The following SPAG16 variants were observed in gnomAD, a reference collection of about 807,000 sequenced individuals.
The protein encoded by SPAG16 is sperm-associated antigen 16 protein.
A neutral mutation model predicts 80.4 loss-of-function variants in SPAG16; 86 were observed. That is an observed-to-expected ratio of 1.07 (90% confidence interval 0.90 to 1.28). SPAG16 has a LOEUF of 1.28. Ranked by LOEUF, SPAG16 falls within the 50% of genes most tolerant of loss-of-function variation. The probability of loss-of-function intolerance (pLI) is 0.00; values close to 1 mark genes in which losing one functional copy is unlikely to be tolerated. For synonymous variants in SPAG16, 294 were observed against 265.9 expected (o/e 1.11, Z -1.03); for missense variants, 870 against 765.3 (o/e 1.14, Z -1.61).
At chr2:213,526,351 C>T (rs2075886017) in intron 10 of SPAG16, among the ~76,000 whole-genome samples, 1 of 151,898 alleles carries the variant, frequency 6.6e-6, no homozygotes, top group African/African-American at 2.4e-5. Flanking sequence ...AACCTTTTTT[C>T]CTGGGGTTAT....
rs997401962 is a variant in SPAG16, at chr2:213,509,247, C to T, written c.1070+19157C>T. Among the ~76,000 whole-genome samples the T allele has an allele frequency of 5.3e-5, 8 of 152,146 alleles. No homozygotes were observed. The South Asian group carries it at 1.0e-3, about 20-fold the overall frequency. On this transcript the variant is annotated intron_variant, in intron 10 of 15. Coordinates refer to ENST00000331683, the MANE Select transcript of SPAG16 (RefSeq NM_024532.5). ...TCCTGATCTCGTGATCCACCCGCCT[C>T]GGCCTCCAAAAGTGCTGGGATTTCT...
intron 14 of SPAG16, among the ~76,000 whole-genome samples, chr2:214,113,016 G>A (rs563239448): frequency 1.3e-5 from 2 of 152,162 alleles, no homozygotes; most frequent in East Asian, 3.9e-4. Context: ...AGGCAGGCCC[G>A]GGTGGTGACA....
intron 5 of SPAG16, among the ~76,000 whole-genome samples, chr2:213,337,544 T>C (rs2064432893): frequency 6.6e-6 from 1 of 152,094 alleles, no homozygotes; most frequent in Non-Finnish European, 1.5e-5. Flanking sequence ...CTGATCAAGC[T>C]GAGAAACACA....
chr2:213,753,161 C>T (rs979512580), intron 10 of SPAG16, among the ~76,000 whole-genome samples: 1 of 152,056 alleles, frequency 6.6e-6, no homozygotes, highest in Non-Finnish European at 1.5e-5. Flanking sequence ...TACAGGTGCC[C>T]GTCACCACGC....
intron 10 of SPAG16, among the ~76,000 whole-genome samples, chr2:213,804,756 A>G (rs998991699): frequency 1.3e-5 from 2 of 152,212 alleles, no homozygotes; most frequent in African/African-American, 4.8e-5. Context: ...GAAGCACAGA[A>G]GCATAAGCCC....
At chr2:214,319,166 C>A (rs1233535525) in intron 15 of SPAG16, among the ~76,000 whole-genome samples, 1 of 119,280 alleles carries the variant, frequency 8.4e-6, no homozygotes, top group African/African-American at 2.9e-5. Flanking sequence ...ATTCTTTATT[C>A]TTTCCTTTCC....
chr2:213,613,794 T>C (rs1412641935), intron 10 of SPAG16, among the ~76,000 whole-genome samples: 2 of 152,238 alleles, frequency 1.3e-5, no homozygotes, highest in Non-Finnish European at 2.9e-5. Flanking sequence ...TGCTAAGCAG[T>C]ATCTTGTGAA....
chr2:214,149,083 A>ATATG, intron 14 of SPAG16, 57 bp from the exon 15 acceptor site: 11 of 489,514 alleles, frequency 2.2e-5, no homozygotes, highest in Non-Finnish European at 3.1e-5. Flanking sequence ...GTGTGTATAT[A>ATATG]TATATATATA....
intron 13 of SPAG16, among the ~76,000 whole-genome samples, chr2:214,057,044 T>C (rs886447026): frequency 1.3e-5 from 2 of 152,300 alleles, no homozygotes; most frequent in East Asian, 3.9e-4. Flanking sequence ...AGTTAATTCC[T>C]CCACTGGAGT....
At chr2:213,818,268 T>A (rs2072689726) in intron 10 of SPAG16, among the ~76,000 whole-genome samples, 1 of 152,288 alleles carries the variant, frequency 6.6e-6, no homozygotes, top group African/African-American at 2.4e-5. Flanking sequence ...TGGTAGAGTT[T>A]ATCTCATAAT....
intron 11 of SPAG16, among the ~76,000 whole-genome samples, chr2:213,893,408 C>G (rs1012833454): frequency 6.6e-6 from 1 of 152,110 alleles, no homozygotes; most frequent in Non-Finnish European, 1.5e-5. Flanking sequence ...AGTGCATGGC[C>G]AAACCCAGAA....
chr2:214,385,870 A>C (rs1295272722), intron 15 of SPAG16, among the ~76,000 whole-genome samples: 5 of 151,912 alleles, frequency 3.3e-5, no homozygotes, highest in Admixed American at 3.3e-4. Flanking sequence ...ACAACAACAA[A>C]AAAACTCTAA....
chr2:214,107,749 G>A (rs940380834), intron 13 of SPAG16, among the ~76,000 whole-genome samples: 13 of 152,098 alleles, frequency 8.5e-5, no homozygotes, highest in African/African-American at 2.9e-4. Flanking sequence ...GCTGAACTGT[G>A]AAAATTCAGG....
chr2:214,205,300 T>C (rs2058111988), intron 15 of SPAG16, among the ~76,000 whole-genome samples: 1 of 152,060 alleles, frequency 6.6e-6, no homozygotes, highest in Non-Finnish European at 1.5e-5. Flanking sequence ...TGAAATAGCA[T>C]AAATAAAAAA....
intron 15 of SPAG16, among the ~76,000 whole-genome samples, chr2:214,387,142 C>T (rs957837367): frequency 6.6e-6 from 1 of 152,144 alleles, no homozygotes; most frequent in African/African-American, 2.4e-5. Context: ...GTCATCTCCT[C>T]TGTGAAGTAA....
At chr2:214,371,951 G>A (rs911369784) in intron 15 of SPAG16, among the ~76,000 whole-genome samples, 4 of 152,010 alleles carry the variant, frequency 2.6e-5, no homozygotes, top group Non-Finnish European at 5.9e-5. Context: ...AAAGTGCTGG[G>A]ATTACAGGCA....
At chr2:214,199,714 G>C (rs762548458) in intron 15 of SPAG16, among the ~76,000 whole-genome samples, 2 of 152,032 alleles carry the variant, frequency 1.3e-5, no homozygotes, top group African/African-American at 4.8e-5. Context: ...TCACAATATT[G>C]TATCTTCCCA....
intron 13 of SPAG16, among the ~76,000 whole-genome samples, chr2:214,032,869 G>C (rs2048486320): frequency 6.6e-6 from 1 of 152,028 alleles, no homozygotes; most frequent in Admixed American, 6.6e-5. Context: ...CCCTCTTATG[G>C]CATAATCTAA....
chr2:213,388,660 A>C (rs1223065546), intron 9 of SPAG16, among the ~76,000 whole-genome samples: 1 of 152,236 alleles, frequency 6.6e-6, no homozygotes, highest in Non-Finnish European at 1.5e-5. Context: ...TCCAAATTAC[A>C]ACACAAAATC....
Sources: gnomAD v4.1 joint callset for allele counts (sites outside exome capture counted in the v4.1 genomes callset) on GRCh38, gnomAD v4.1.1 for gene constraint, MANE v1.5 for transcripts, NCBI Gene and HGNC (gene_info 2026-07-23, HGNC 2026-07-21) for gene names.